TENM4: variants seen among roughly 807,000 people sequenced by gnomAD.
The protein encoded by TENM4 is teneurin-4.
Under a neutral mutation model 243.3 loss-of-function variants are expected in TENM4, and 82 were observed. The observed-to-expected ratio is 0.34, with a 90% CI of 0.28 to 0.40. The LOEUF is 0.40. TENM4 is among the 10% of genes least tolerant of loss of function. TENM4 has a pLI of 1.00. For missense variants in TENM4, 3,138 were observed against 3,673.3 expected (o/e 0.85, Z 3.77); for synonymous variants, 1,412 against 1,456.3 (o/e 0.97, Z 0.69).
At chr11:79,419,357 T>C (rs887678745) in intron 1 of TENM4, among the ~76,000 whole-genome samples, 4 of 152,128 alleles carry the variant, frequency 2.6e-5, no homozygotes, top group African/African-American at 9.7e-5. Context: ...AGTCGAGCTG[T>C]TCACACCCAC....
chr11:78,718,675 A>G (rs546645236), intron 25 of TENM4, among the ~76,000 whole-genome samples: 160 of 152,338 alleles, frequency 1.1e-3, no homozygotes, highest in African/African-American at 3.7e-3. Context: ...GTACAACTGA[A>G]GTTGAAGGCA....
chr11:78,873,782 C>T (rs1465399414), intron 9 of TENM4, among the ~76,000 whole-genome samples: 2 of 152,156 alleles, frequency 1.3e-5, no homozygotes, highest in Admixed American at 6.5e-5. Context: ...GTGTTGAACA[C>T]AATATTCAAT....
At chr11:78,945,761 T>C (rs1480869039) in intron 6 of TENM4, among the ~76,000 whole-genome samples, 1 of 152,176 alleles carries the variant, frequency 6.6e-6, no homozygotes, top group African/African-American at 2.4e-5. Flanking sequence ...GCCTTTTTGC[T>C]GTTTTATGTT....
At position 78,913,186 on chromosome 11, in the gene TENM4, CAT is replaced by C. The variant is rs528702179; in HGVS notation, c.494-9665_494-9664del. Among the ~76,000 whole-genome samples the C allele has an allele frequency of 5.3e-4, 80 of 152,338 alleles. 2 individuals carry two copies. The South Asian group carries it at 0.014, about 28-fold the overall frequency. Reference sequence around the variant, plus strand: ...AAGGATGGAATGAAAGAAAGGGAAACATGTGATGGTTCTTCCCTTCCTCCTTC... The same window carrying C: ...AAGGATGGAATGAAAGAAAGGGAAACGTGATGGTTCTTCCCTTCCTCCTTC... On this transcript the variant is annotated intron_variant, in intron 6 of 33. Coordinates refer to ENST00000278550, the MANE Select transcript of TENM4 (RefSeq NM_001098816.3).
chr11:78,999,441 G>A lies in TENM4; in HGVS notation c.493+65297C>T, dbSNP rs767876036. ...TGAGGCAGGAGAATGGCATGAACCC[G>A]GGAGACGGAGCTTGTAGTGAGCCGA... On this transcript the variant is annotated intron_variant, in intron 6 of 33. Transcript: ENST00000278550. Among the ~76,000 whole-genome samples, 48 of 151,376 alleles carry A rather than the reference G, an allele frequency of 3.2e-4. 1 individual carries two copies. In the Middle Eastern group the frequency reaches 0.014, roughly 43 times the overall value.
intron 6 of TENM4, among the ~76,000 whole-genome samples, chr11:78,978,558 C>T (rs1857719999): frequency 6.6e-6 from 1 of 152,056 alleles, no homozygotes. Context: ...AGGCTCTCTA[C>T]CCATCCTTTT....
chr11:78,849,490 A>G (rs1050556323), intron 12 of TENM4, among the ~76,000 whole-genome samples: 2 of 152,374 alleles, frequency 1.3e-5, no homozygotes, highest in African/African-American at 2.4e-5. Context: ...TGAGGTCAAC[A>G]TATCTATTGT....
chr11:79,323,247 C>G (rs1275624876), intron 1 of TENM4, among the ~76,000 whole-genome samples: 1 of 152,186 alleles, frequency 6.6e-6, no homozygotes, highest in Non-Finnish European at 1.5e-5. Flanking sequence ...AGGCCTAACC[C>G]AACACTCAAC....
At chr11:78,906,389 AG>A (rs1463370362) in intron 6 of TENM4, among the ~76,000 whole-genome samples, 4 of 152,186 alleles carry the variant, frequency 2.6e-5, no homozygotes, top group Admixed American at 6.5e-5. Context: ...TGCAGGAAAA[AG>A]GTCCTCAGTG....
chr11:78,995,371 C>T (rs77435853), intron 6 of TENM4, among the ~76,000 whole-genome samples: 8,028 of 152,094 alleles, frequency 0.053, 508 homozygotes, highest in African/African-American at 0.15. Context: ...AGAGGAGTGA[C>T]GTCCTGAAAA....
chr11:79,033,081 T>C (rs1859287003), intron 6 of TENM4, among the ~76,000 whole-genome samples: 1 of 152,064 alleles, frequency 6.6e-6, no homozygotes, highest in African/African-American at 2.4e-5. Flanking sequence ...CTAAGGCATT[T>C]TTATCCCCAC....
intron 33 of TENM4, among the ~76,000 whole-genome samples, chr11:78,659,693 G>T (rs2135626430): frequency 6.6e-6 from 1 of 152,248 alleles, no homozygotes; most frequent in South Asian, 2.1e-4. Context: ...TCTAAGGAAG[G>T]CCTCTGCCCC....
intron 4 of TENM4, among the ~76,000 whole-genome samples, chr11:79,148,217 A>G (rs896005139): frequency 6.6e-6 from 1 of 152,134 alleles, no homozygotes; most frequent in African/African-American, 2.4e-5. Flanking sequence ...ACAAATAACA[A>G]GAAAAGATCT....
chr11:78,891,840 A>T (rs1565426336), intron 7 of TENM4, among the ~76,000 whole-genome samples: 2 of 152,148 alleles, frequency 1.3e-5, no homozygotes, highest in East Asian at 3.9e-4. Flanking sequence ...CAGTGGCTAG[A>T]GACACTCATT....
chr11:79,011,131 C>T (rs536905673), intron 6 of TENM4, among the ~76,000 whole-genome samples: 1 of 152,344 alleles, frequency 6.6e-6, no homozygotes, highest in South Asian at 2.1e-4. Context: ...TGAATGTATG[C>T]TTTAGAAAAG....
At chr11:78,851,619 GA>G (rs139642010) in intron 12 of TENM4, among the ~76,000 whole-genome samples, 4,968 of 152,194 alleles carry the variant, frequency 0.033, 90 homozygotes, top group Middle Eastern at 0.078. Flanking sequence ...ACGCTTAAGG[GA>G]AATCAGGCCA....
At chr11:78,890,872 C>T (rs1189307899) in intron 8 of TENM4, among the ~76,000 whole-genome samples, 2 of 152,192 alleles carry the variant, frequency 1.3e-5, no homozygotes, top group Non-Finnish European at 1.5e-5. Flanking sequence ...CCCCCAGAAG[C>T]CTTAGGGCAA....
chr11:79,294,251 T>C (rs1324710800), intron 2 of TENM4, among the ~76,000 whole-genome samples: 1 of 152,240 alleles, frequency 6.6e-6, no homozygotes, highest in Non-Finnish European at 1.5e-5. Flanking sequence ...TCTCTATGTG[T>C]CACTTATACT....
intron 21 of TENM4, among the ~76,000 whole-genome samples, chr11:78,732,076 C>A (rs1182374824): frequency 6.6e-6 from 1 of 152,068 alleles, no homozygotes; most frequent in East Asian, 1.9e-4. Flanking sequence ...TTAGTATAAA[C>A]CAGAGTGTGC....
Sources: gnomAD v4.1 joint callset for allele counts (sites outside exome capture counted in the v4.1 genomes callset) on GRCh38, gnomAD v4.1.1 for gene constraint, MANE v1.5 for transcripts, NCBI Gene and HGNC (gene_info 2026-07-23, HGNC 2026-07-21) for gene names.